Variants in NTM observed in about 807,000 individuals in gnomAD.
The protein encoded by NTM is IgLON family member 2.
Under a neutral mutation model 42.1 loss-of-function variants are expected in NTM, and 13 were observed. The ratio of observed to expected loss-of-function variants is 0.31; its 90% CI spans 0.20 to 0.49. NTM has a LOEUF of 0.49. NTM is among the 20% of genes least tolerant of loss of function. The pLI is 0.99. For synonymous variants in NTM, 187 were observed against 179.2 expected, an observed-to-expected ratio of 1.04 and a Z score of -0.35; for missense variants, 373 against 452.8, an observed-to-expected ratio of 0.82 and a Z score of 1.60.
intron 1 of NTM, among the ~76,000 whole-genome samples, chr11:131,695,426 T>C (rs1319321907): frequency 6.6e-6 from 1 of 152,192 alleles, no homozygotes; most frequent in Non-Finnish European, 1.5e-5. Flanking sequence ...ATACAGATTG[T>C]CTCATTGAAT....
chr11:131,621,070 TG>T (rs2062481389), intron 1 of NTM, among the ~76,000 whole-genome samples: 2 of 152,170 alleles, frequency 1.3e-5, no homozygotes, highest in South Asian at 4.1e-4. Context: ...ATGTAGCATG[TG>T]AGAGCAGGAA....
rs532550894 is a variant in NTM, at chr11:131,746,369, T to C, written c.83-165195T>C. The stretch of plus-strand genomic sequence containing the variant: ...GCCGGAAAAGTAAAACATTGCCCAA[T>C]GGGGAGCTCTCCACTGACTTGTGTG... On this transcript the variant is annotated intron_variant, in intron 1 of 8. Transcript: ENST00000683400. 3.3e-5 allele frequency among the ~76,000 whole-genome samples: 5 copies of C among 152,178 alleles called. No homozygotes were observed. In the East Asian group the frequency reaches 7.7e-4, roughly 24 times the overall value.
intron 1 of NTM, among the ~76,000 whole-genome samples, chr11:131,457,004 G>T (rs1950960832): frequency 1.3e-5 from 2 of 152,144 alleles, no homozygotes; most frequent in Non-Finnish European, 2.9e-5. Context: ...GTGCTCAAGG[G>T]GTGCAATGTT....
intron 4 of NTM, among the ~76,000 whole-genome samples, chr11:132,254,663 G>A (rs369482463): frequency 1.3e-5 from 2 of 151,700 alleles, no homozygotes; most frequent in Non-Finnish European, 2.9e-5. Flanking sequence ...TAAAAGACTC[G>A]GTTTCTGCAT....
chr11:131,944,085 A>G (rs1264960715), intron 2 of NTM, among the ~76,000 whole-genome samples: 1 of 152,186 alleles, frequency 6.6e-6, no homozygotes, highest in Non-Finnish European at 1.5e-5. Flanking sequence ...GAGAGCTTAG[A>G]AAACGGCTAG....
chr11:132,161,273 C>G (rs1235353874), intron 3 of NTM, among the ~76,000 whole-genome samples: 1 of 151,858 alleles, frequency 6.6e-6, no homozygotes, highest in East Asian at 1.9e-4. Flanking sequence ...GCAGAATCAG[C>G]AGATGGACAC....
intron 1 of NTM, among the ~76,000 whole-genome samples, chr11:131,429,668 A>G (rs1948490024): frequency 6.6e-6 from 1 of 152,214 alleles, no homozygotes; most frequent in Non-Finnish European, 1.5e-5. Flanking sequence ...TGCTATTTGA[A>G]CACATCCAGC....
At chr11:131,515,700 C>A (rs952480700) in intron 1 of NTM, among the ~76,000 whole-genome samples, 19 of 152,214 alleles carry the variant, frequency 1.2e-4, no homozygotes, top group Admixed American at 1.2e-3. Context: ...AATAAACTTA[C>A]AGAGTTATGA....
chr11:131,807,332 C>T (rs905177757), intron 1 of NTM, among the ~76,000 whole-genome samples: 7 of 152,122 alleles, frequency 4.6e-5, no homozygotes, highest in Non-Finnish European at 1.0e-4. Context: ...GCTGCCGTAG[C>T]ATGAAAGTGG....
intron 1 of NTM, among the ~76,000 whole-genome samples, chr11:131,898,800 T>G (rs2052681628): frequency 6.6e-6 from 1 of 152,204 alleles, no homozygotes. Flanking sequence ...CTCTGTGCAT[T>G]TACACATCTG....
intron 1 of NTM, among the ~76,000 whole-genome samples, chr11:131,693,841 G>A (rs564998677): frequency 3.6e-4 from 55 of 152,316 alleles, no homozygotes; most frequent in African/African-American, 1.3e-3. Flanking sequence ...TTAGAAACTG[G>A]AAGCGAGAGA....
At chr11:132,083,213 GA>G (rs1440172933) in intron 2 of NTM, among the ~76,000 whole-genome samples, 3 of 152,312 alleles carry the variant, frequency 2.0e-5, no homozygotes, top group Admixed American at 6.5e-5. Flanking sequence ...AAATGTAGAT[GA>G]AAAACTTAAT....
intron 1 of NTM, among the ~76,000 whole-genome samples, chr11:131,547,975 C>T (rs1158696835): frequency 1.3e-5 from 2 of 152,116 alleles, no homozygotes; most frequent in Non-Finnish European, 2.9e-5. Context: ...TTCAATCATA[C>T]CAAGAAGAGC....
rs535480055 is a variant in NTM, at chr11:131,457,343, T to C, written c.82+86455T>C. ...ACAGATGGCCAGAAAGGAGGCCCCC[T>C]GCATGCAGTAGAGAGGTGAGCACAA... is the stretch of plus-strand genomic sequence containing the variant. On this transcript the variant is annotated intron_variant, in intron 1 of 8. Coordinates refer to ENST00000683400, the MANE Select transcript of NTM (RefSeq NM_001352005.2). Among the ~76,000 whole-genome samples the C allele has an allele frequency of 1.9e-4, 29 of 151,822 alleles. 1 individual carries two copies. The East Asian group carries it at 5.6e-3, about 29-fold the overall frequency.
intron 3 of NTM, among the ~76,000 whole-genome samples, chr11:132,156,034 C>T (rs558500055): frequency 2.6e-5 from 4 of 152,256 alleles, no homozygotes; most frequent in Admixed American, 1.3e-4. Context: ...AGTAATGTGG[C>T]GTTTCAGCTC....
At chr11:132,162,005 G>A (rs956995747) in intron 3 of NTM, among the ~76,000 whole-genome samples, 4 of 152,186 alleles carry the variant, frequency 2.6e-5, no homozygotes, top group African/African-American at 9.7e-5. Flanking sequence ...TTCTCTCCGT[G>A]CGCAGTGCAG....
intron 2 of NTM, among the ~76,000 whole-genome samples, chr11:131,982,266 C>T (rs1334813674): frequency 6.6e-6 from 1 of 152,004 alleles, no homozygotes; most frequent in South Asian, 2.1e-4. Flanking sequence ...GGAACTTGCC[C>T]TGATTGGAGT....
At chr11:131,740,283 T>C (rs940780062) in intron 1 of NTM, among the ~76,000 whole-genome samples, 2 of 152,160 alleles carry the variant, frequency 1.3e-5, no homozygotes, top group Non-Finnish European at 2.9e-5. Flanking sequence ...ATAAGGGTAA[T>C]AACTGTTGCC....
At chr11:131,564,560 A>G (rs1385313014) in intron 1 of NTM, among the ~76,000 whole-genome samples, 1 of 152,152 alleles carries the variant, frequency 6.6e-6, no homozygotes, top group African/African-American at 2.4e-5. Context: ...AAAATGGCAC[A>G]TAATTATTGT....
Sources: allele counts gnomAD v4.1 joint callset (sites outside exome capture counted in the v4.1 genomes callset), GRCh38; gene constraint gnomAD v4.1.1; transcripts MANE v1.5; gene names NCBI Gene and HGNC (gene_info 2026-07-23, HGNC 2026-07-21).